Variants in GRIA1 observed in about 807,000 individuals in gnomAD.
The protein encoded by GRIA1 is glutamate receptor 1.
GRIA1 carries 31 observed loss-of-function variants against 99.2 expected under a neutral mutation model. The ratio of observed to expected loss-of-function variants is 0.31; its 90% CI spans 0.23 to 0.42. The LOEUF (loss-of-function observed/expected upper bound fraction) is 0.42, where lower values mean the gene tolerates loss of function less well. Ranked by LOEUF, GRIA1 falls within the 10% of genes least tolerant of loss-of-function variation. The probability of loss-of-function intolerance (pLI) is 1.00; values close to 1 mark genes in which losing one functional copy is unlikely to be tolerated. For synonymous variants in GRIA1, 438 were observed against 432.4 expected (o/e 1.01, Z -0.16); for missense variants, 782 against 1,157.5 (o/e 0.68, Z 4.71).
chr5:153,493,242 C>A (rs1754092136), intron 1 of GRIA1, among the ~76,000 whole-genome samples: 1 of 152,172 alleles, frequency 6.6e-6, no homozygotes, highest in African/African-American at 2.4e-5. Context: ...CAATGGCAAT[C>A]CCTTATGTAA....
chr5:153,712,702 T>C (rs184048145), intron 11 of GRIA1, among the ~76,000 whole-genome samples: 9 of 152,324 alleles, frequency 5.9e-5, no homozygotes, highest in Non-Finnish European at 1.3e-4. Context: ...GCAAACGTCA[T>C]TTAGGCCACA....
intron 3 of GRIA1, among the ~76,000 whole-genome samples, chr5:153,647,420 C>T (rs899983528): frequency 6.6e-6 from 1 of 152,160 alleles, no homozygotes; most frequent in African/African-American, 2.4e-5. Flanking sequence ...TGAGTCCAAA[C>T]TCAATGCAAA....
chr5:153,504,363 CT>C (rs1307661054), intron 2 of GRIA1, among the ~76,000 whole-genome samples: 3 of 151,378 alleles, frequency 2.0e-5, no homozygotes, highest in Non-Finnish European at 4.4e-5. Flanking sequence ...TATATATACA[CT>C]ATCTATATAT....
At chr5:153,533,019 A>G (rs1323466342) in intron 2 of GRIA1, among the ~76,000 whole-genome samples, 2 of 152,216 alleles carry the variant, frequency 1.3e-5, no homozygotes, top group African/African-American at 2.4e-5. Context: ...TTAAAATATT[A>G]TCACACTGAC....
At chr5:153,646,703 G>A (rs1754174592) in intron 2 of GRIA1, among the ~76,000 whole-genome samples, 1 of 152,198 alleles carries the variant, frequency 6.6e-6, no homozygotes, top group South Asian at 2.1e-4. Context: ...ACAGGTGAAT[G>A]TGTGAGTGGG....
intron 5 of GRIA1, among the ~76,000 whole-genome samples, chr5:153,670,255 A>G (rs899786196): frequency 1.3e-5 from 2 of 152,202 alleles, no homozygotes; most frequent in African/African-American, 2.4e-5. Context: ...CAGTGACCTA[A>G]TAGCCCTAGG....
rs545143745 is a variant in GRIA1, at chr5:153,595,870, TG to T, written c.221-51056del. ...AGAATGCTGGGCAGGCACATAGGAT[TG>T]GAACACTAAATACTTCTTTGGCTAA... On this transcript the variant is annotated intron_variant, in intron 2 of 15. Coordinates refer to ENST00000285900, the MANE Select transcript of GRIA1 (RefSeq NM_000827.4). Among the ~76,000 whole-genome samples the T allele has an allele frequency of 9.9e-5, 15 of 151,702 alleles. No individual in the cohort carries two copies. In the South Asian group the frequency reaches 3.1e-3, roughly 32 times the overall value.
chr5:153,625,339 T>C (rs1435629613), intron 2 of GRIA1, among the ~76,000 whole-genome samples: 1 of 152,244 alleles, frequency 6.6e-6, no homozygotes, highest in Admixed American at 6.5e-5. Flanking sequence ...CTATTCAGCA[T>C]CCATTTAGGA....
At chr5:153,699,112 C>T (rs1215396511) in intron 10 of GRIA1, 39 bp downstream of exon 10, 1 of 1,438,030 alleles carries the variant, frequency 7.0e-7, no homozygotes, top group Non-Finnish European at 9.8e-7. Context: ...AGGGCGGAGG[C>T]AGAGGGTTTG....
At chr5:153,591,712 T>C (rs1190261316) in intron 2 of GRIA1, among the ~76,000 whole-genome samples, 1 of 152,212 alleles carries the variant, frequency 6.6e-6, no homozygotes, top group Non-Finnish European at 1.5e-5. Context: ...AGAAGCATAC[T>C]GTTATTTAAG....
intron 2 of GRIA1, among the ~76,000 whole-genome samples, chr5:153,607,791 G>A (rs970362202): frequency 2.6e-5 from 4 of 151,934 alleles, no homozygotes; most frequent in Non-Finnish European, 4.4e-5. Context: ...CGACAATATG[G>A]TATTATTGTT....
chr5:153,640,658 G>A (rs1223023334), intron 2 of GRIA1, among the ~76,000 whole-genome samples: 2 of 152,172 alleles, frequency 1.3e-5, no homozygotes, highest in Admixed American at 1.3e-4. Context: ...TCCTGTGGCT[G>A]ATCCCTTTAT....
intron 11 of GRIA1, among the ~76,000 whole-genome samples, chr5:153,707,115 T>C (rs903444444): frequency 4.6e-5 from 7 of 151,844 alleles, no homozygotes; most frequent in Non-Finnish European, 7.4e-5. Flanking sequence ...TGAGACTCTG[T>C]CTTTAAAAAA....
intron 11 of GRIA1, among the ~76,000 whole-genome samples, chr5:153,754,243 G>A (rs1208603523): frequency 1.3e-5 from 2 of 152,174 alleles, no homozygotes; most frequent in African/African-American, 4.8e-5. Context: ...CCAAATTGAA[G>A]GTAGGGAGGA....
At chr5:153,546,290 A>C (rs1286861629) in intron 2 of GRIA1, among the ~76,000 whole-genome samples, 1 of 152,194 alleles carries the variant, frequency 6.6e-6, no homozygotes, top group African/African-American at 2.4e-5. Flanking sequence ...GATGGAGCAA[A>C]GTTAAATGGC....
intron 11 of GRIA1, among the ~76,000 whole-genome samples, chr5:153,756,458 A>C (rs998702566): frequency 2.0e-5 from 3 of 152,228 alleles, no homozygotes; most frequent in African/African-American, 7.2e-5. Flanking sequence ...ACTGCTGGGA[A>C]GCATACATGT....
intron 13 of GRIA1, among the ~76,000 whole-genome samples, chr5:153,772,528 A>G (rs1196155153): frequency 6.6e-6 from 1 of 152,174 alleles, no homozygotes; most frequent in East Asian, 1.9e-4. Flanking sequence ...AGGAATGAAA[A>G]TACTTTGAAG....
chr5:153,777,382 C>T (rs1332508877), intron 13 of GRIA1, among the ~76,000 whole-genome samples: 2 of 152,156 alleles, frequency 1.3e-5, no homozygotes, highest in Non-Finnish European at 2.9e-5. Context: ...AGATCACCTC[C>T]ACTCAAGTAT....
At chr5:153,722,548 C>A (rs1446121686) in intron 11 of GRIA1, among the ~76,000 whole-genome samples, 2 of 152,152 alleles carry the variant, frequency 1.3e-5, no homozygotes, top group African/African-American at 4.8e-5. Context: ...ATTGAACTTG[C>A]ATGATTTATT....
Sources: gnomAD v4.1 joint callset for allele counts (sites outside exome capture counted in the v4.1 genomes callset) on GRCh38, gnomAD v4.1.1 for gene constraint, MANE v1.5 for transcripts, NCBI Gene and HGNC (gene_info 2026-07-23, HGNC 2026-07-21) for gene names.